Variants in PRKAG2 observed in about 807,000 individuals in gnomAD.
PRKAG2 encodes the protein 5'-AMP-activated protein kinase subunit gamma-2.
A neutral mutation model predicts 69.6 loss-of-function variants in PRKAG2; 26 were observed. The ratio of observed to expected loss-of-function variants is 0.37; its 90% CI spans 0.27 to 0.52. PRKAG2 has a LOEUF of 0.52. Among genes scored for constraint, PRKAG2 ranks in the 20% least tolerant of loss-of-function variants. The pLI is 0.90. For synonymous variants in PRKAG2, 293 were observed against 285.0 expected (o/e 1.03, Z -0.28); for missense variants, 557 against 740.0 (o/e 0.75, Z 2.87).
intron 3 of PRKAG2, among the ~76,000 whole-genome samples, chr7:151,718,319 C>T (rs1002981448): frequency 6.6e-6 from 1 of 152,074 alleles, no homozygotes; most frequent in Non-Finnish European, 1.5e-5. Flanking sequence ...AGGCCACAGT[C>T]CTATCAGCTT....
At chr7:151,808,247 G>C (rs186226639) in intron 1 of PRKAG2, among the ~76,000 whole-genome samples, 3 of 152,338 alleles carry the variant, frequency 2.0e-5, no homozygotes, top group African/African-American at 7.2e-5. Flanking sequence ...TCCAGACAAG[G>C]TGTAGCTGGC....
chr7:151,559,729 T>A, intron 15 of PRKAG2: 1 of 985,406 alleles, frequency 1.0e-6, no homozygotes, highest in Non-Finnish European at 1.2e-6. Flanking sequence ...CACCGTTTAA[T>A]ATTGGATTCT....
chr7:151,565,403 G>T lies in PRKAG2; in HGVS notation c.1400-20C>A. 1 of 1,331,066 alleles carries T rather than the reference G, an allele frequency of 7.5e-7. No homozygotes were observed. Among genetic ancestry groups the T allele is most frequent in the Non-Finnish European group, 1.0e-6 (1 of 952,860 alleles). The allele number at this position is 1,331,066 out of a possible 1,614,324, so 82.5% of individuals were successfully genotyped here. A position where few individuals can be genotyped will look rare whatever the true frequency, so the allele number is the denominator to read the frequency against. On this transcript the variant is annotated intron_variant, in intron 12 of 15. Transcript: ENST00000287878. ...CTTTTCCTAAAAATGAAAAATATAT[G>T]TTAGAAAAATGTCTTAAGGGACAAA... is the stretch of plus-strand genomic sequence containing the variant.
In PRKAG2 at chr7:151,829,569, C is replaced by T. The variant is rs577278397; in HGVS notation, c.115-43028G>A. Among the ~76,000 whole-genome samples the T allele has an allele frequency of 3.9e-4, 59 of 152,064 alleles. No homozygotes were observed. In the East Asian group the frequency reaches 7.5e-3, roughly 19 times the overall value. Reference sequence around the variant, plus strand: ...ACGTATTTCCATACAGAAATTTGTACACAAATGTTTGTAGCAGCATTATTG... The same window carrying T: ...ACGTATTTCCATACAGAAATTTGTATACAAATGTTTGTAGCAGCATTATTG... On this transcript the variant is annotated intron_variant, in intron 1 of 15. Transcript: ENST00000287878.
chr7:151,871,157 G>T (rs1344390618), intron 1 of PRKAG2, among the ~76,000 whole-genome samples: 1 of 152,216 alleles, frequency 6.6e-6, no homozygotes, highest in African/African-American at 2.4e-5. Flanking sequence ...TGTCTATGGG[G>T]TCTATGAACT....
intron 3 of PRKAG2, among the ~76,000 whole-genome samples, chr7:151,704,315 T>G (rs1364514331): frequency 1.3e-5 from 2 of 152,248 alleles, no homozygotes; most frequent in Admixed American, 6.5e-5. Context: ...CTAACTAATC[T>G]TCATGATTCT....
At chr7:151,594,901 C>A (rs1246747238) in intron 6 of PRKAG2, among the ~76,000 whole-genome samples, 1 of 152,172 alleles carries the variant, frequency 6.6e-6, no homozygotes. Flanking sequence ...TGGGTTCAAG[C>A]GACTCTCCTG....
Position 151,771,446 on chromosome 7 carries a change from C to T in PRKAG2, c.466+9706G>A, listed in dbSNP as rs2076015552. Among the ~76,000 whole-genome samples the T allele has an allele frequency of 6.6e-6, 1 of 152,132 alleles. No homozygotes were observed. The highest frequency in any genetic ancestry group is 6.5e-5 in the Admixed American group (1 of 15,284). ...TCCTCCTTTCCTCCTGCACTCTGTT[C>T]CAAAGCCAGAGAGCTCCGTGTCCTT... On this transcript the variant is annotated intron_variant, in intron 3 of 15. Transcript: ENST00000287878. This position sits in a 1 kb window ranked among gnomAD's most constrained non-coding sequence, Gnocchi z 4.0.
At chr7:151,755,075 G>A (rs2074990637) in intron 3 of PRKAG2, among the ~76,000 whole-genome samples, 2 of 152,150 alleles carry the variant, frequency 1.3e-5, no homozygotes, top group Admixed American at 6.5e-5. Flanking sequence ...AAGCCCGGAT[G>A]CCCCTTCAGA....
At chr7:151,561,607 G>A (rs922188444) in intron 14 of PRKAG2, among the ~76,000 whole-genome samples, 13 of 152,210 alleles carry the variant, frequency 8.5e-5, no homozygotes, top group African/African-American at 2.2e-4. Context: ...CCTTTCACCC[G>A]CAGGAAGGGA....
chr7:151,852,228 C>A (rs2079588276), intron 1 of PRKAG2, among the ~76,000 whole-genome samples: 1 of 152,178 alleles, frequency 6.6e-6, no homozygotes, highest in South Asian at 2.1e-4. Flanking sequence ...TGGCGGGGCA[C>A]AGAAACTCGT....
rs376893656 is a variant in PRKAG2, at chr7:151,786,561, C to T, written c.115-20G>A. ...CAGGTCCTAGGGTGGACAGAGAGCA[C>T]GTGGTCAGTGACAGTGGCCCTCGGG... On this transcript the variant is annotated intron_variant, in intron 1 of 15. Transcript: ENST00000287878. 3 of 1,606,500 alleles carry T rather than the reference C, an allele frequency of 1.9e-6. No individual in the cohort carries two copies. Among genetic ancestry groups the T allele is most frequent in the South Asian group, 1.1e-5 (1 of 89,558 alleles).
rs368852903 is a variant in PRKAG2, at chr7:151,560,588, T to C, written c.1614A>G (p.Ala538=). 6.2e-6 allele frequency: 10 copies of C among 1,613,846 alleles called. No homozygotes were observed. In the African/African-American group the frequency reaches 1.3e-4, roughly 22 times the overall value. ...EVHRLVVVNE[A]DSIVGIISLS... ...GGGAAATAATACCCACAATACTATC[T>C]GCTTCATTTACCACCACCAGCCGAT... Residue 538 remains alanine, a synonymous_variant, in exon 15 of 16, where the codon GCA becomes GCG. Coordinates refer to ENST00000287878, the MANE Select transcript of PRKAG2 (RefSeq NM_016203.4).
chr7:151,834,762 A>G (rs1012659079), intron 1 of PRKAG2, among the ~76,000 whole-genome samples: 2 of 152,152 alleles, frequency 1.3e-5, no homozygotes, highest in East Asian at 3.9e-4. Flanking sequence ...GCCCCTCCCC[A>G]TCGCTGTGGG....
chr7:151,736,254 C>T (rs894485524), intron 3 of PRKAG2: 11 of 1,326,776 alleles, frequency 8.3e-6, no homozygotes, highest in East Asian at 5.8e-5. Context: ...GCTGCACCTC[C>T]GGCCACAGCA....
At chr7:151,851,972 G>A (rs1169741033) in intron 1 of PRKAG2, among the ~76,000 whole-genome samples, 1 of 152,156 alleles carries the variant, frequency 6.6e-6, no homozygotes, top group African/African-American at 2.4e-5. Context: ...GCAGTGAGGG[G>A]AGGAGCAAGA....
At chr7:151,701,777 G>C (rs1387481218) in intron 3 of PRKAG2, among the ~76,000 whole-genome samples, 1 of 151,192 alleles carries the variant, frequency 6.6e-6, no homozygotes, top group Non-Finnish European at 1.5e-5. Flanking sequence ...CGTGAAGCGG[G>C]GGTTGCAGTG....
At chr7:151,691,484 TAAA>T (rs56411327) in intron 3 of PRKAG2, among the ~76,000 whole-genome samples, 71 of 137,914 alleles carry the variant, frequency 5.1e-4, no homozygotes, top group African/African-American at 1.8e-3. Flanking sequence ...AAAAACTCAG[TAAA>T]AAAAAAAAAA....
At chr7:151,688,047 C>CCCCCCCT (rs952570541) in intron 3 of PRKAG2, among the ~76,000 whole-genome samples, 2 of 143,086 alleles carry the variant, frequency 1.4e-5, no homozygotes, top group South Asian at 2.3e-4. Flanking sequence ...ATGAGGCCCC[C>CCCCCCCT]CCCCGGGCTC....
Sources: allele counts gnomAD v4.1 joint callset (sites outside exome capture counted in the v4.1 genomes callset), GRCh38; gene constraint gnomAD v4.1.1; non-coding constraint Gnocchi (gnomAD v3.1); transcripts MANE v1.5; gene names NCBI Gene and HGNC (gene_info 2026-07-23, HGNC 2026-07-21).